Variants in MAP3K3 observed in about 807,000 individuals in gnomAD.
MAP3K3 encodes MAP/ERK kinase kinase 3.
A neutral mutation model predicts 80.9 loss-of-function variants in MAP3K3; 12 were observed. The observed-to-expected ratio is 0.15, with a 90% CI of 0.10 to 0.24. The LOEUF (loss-of-function observed/expected upper bound fraction) is 0.24. MAP3K3 is among the 10% of genes least tolerant of loss of function. The pLI is 1.00. For missense variants in MAP3K3, 596 were observed against 834.7 expected (o/e 0.71, Z 3.52); for synonymous variants, 272 against 307.1 (o/e 0.89, Z 1.19).
At position 63,693,100 on chromosome 17, in the gene MAP3K3, G is replaced by A. The variant is rs779002300; in HGVS notation, c.1653-449G>A. Among the ~76,000 whole-genome samples the A allele has an allele frequency of 6.6e-6, 1 of 152,160 alleles. No homozygotes were observed. Among genetic ancestry groups the A allele is most frequent in the African/African-American group, 2.4e-5 (1 of 41,438 alleles). ...AGCCACGAAATGCAGGTGGCCTCTA[G>A]AACCCAGGAAAGGCAAGGAAACAGG... is the stretch of plus-strand genomic sequence containing the variant. On this transcript the variant is annotated intron_variant, in intron 15 of 15. Transcript: ENST00000361733. The surrounding 1 kb of genome is among the most constrained non-coding windows in gnomAD (Gnocchi z 4.2).
At chr17:63,685,445 T>A (rs1486265714) in intron 7 of MAP3K3, 72 bp from the exon 8 acceptor site, 1 of 1,201,054 alleles carries the variant, frequency 8.3e-7, no homozygotes, top group Non-Finnish European at 1.2e-6. Context: ...TGCTGGCCCT[T>A]GCCATAAAGC....
At chr17:63,649,491 G>C (rs980444278) in intron 3 of MAP3K3, among the ~76,000 whole-genome samples, 11 of 151,666 alleles carry the variant, frequency 7.3e-5, no homozygotes, top group Admixed American at 3.9e-4. Flanking sequence ...ACAGTGGTGT[G>C]ATCGTGGAGC....
Position 63,688,798 on chromosome 17 carries a change from C to G in MAP3K3, c.788C>G (p.Thr263Ser). Residue 263 changes from threonine (T) to serine (S), a missense_variant, in exon 10 of 16, where the codon ACT becomes AGT. By Grantham distance (58) the Thr-to-Ser change is moderately conservative. This residue lies in a region of MAP3K3 where 364 missense variants were observed against 588.9 expected (regional missense o/e 0.62). Transcript: ENST00000361733. ...CCCCTGTCTTACTCAGATCGGGAAA[C>G]TCAGCTTTATGACAAAGGGGTCAAA... ...DNRQEYSDRETQLYDKGVKGG... is the reference protein window; with the variant it reads ...DNRQEYSDRESQLYDKGVKGG... The G allele has an allele frequency of 6.2e-7, 1 of 1,613,366 alleles. No individual in the cohort carries two copies. Among genetic ancestry groups the G allele is most frequent in the Non-Finnish European group, 8.5e-7 (1 of 1,179,352 alleles).
chr17:63,659,125 G>T (rs1247208638), intron 5 of MAP3K3, among the ~76,000 whole-genome samples: 1 of 152,098 alleles, frequency 6.6e-6, no homozygotes, highest in Non-Finnish European at 1.5e-5. Flanking sequence ...ACCCACTTTA[G>T]CCTTGCAAAG....
In MAP3K3 at chr17:63,650,658, T is replaced by TAGAGAGAGAGAGAGAG. The variant is rs61412799; in HGVS notation, c.168-1876_168-1861dup. Among the ~76,000 whole-genome samples, 82 of 117,272 alleles carry TAGAGAGAGAGAGAGAG rather than the reference T, an allele frequency of 7.0e-4. 1 individual carries two copies. Among genetic ancestry groups the TAGAGAGAGAGAGAGAG allele is most frequent in the African/African-American group, 2.6e-3 (80 of 30,386 alleles). 76.9% of individuals were successfully genotyped at this position (117,272 alleles called of 152,430 possible). The stretch of plus-strand genomic sequence containing the variant: ...AGACCTTCTCTCTCTCTGTCTCTTA[T>TAGAGAGAGAGAGAGAG]AGAGAGAGAGAGAGAGAGAGAGAGA... On this transcript the variant is annotated intron_variant, in intron 3 of 15. Transcript: ENST00000361733.
At chr17:63,676,907 T>C (rs1037121012) in intron 6 of MAP3K3, among the ~76,000 whole-genome samples, 5 of 152,188 alleles carry the variant, frequency 3.3e-5, no homozygotes, top group African/African-American at 1.2e-4. Context: ...CTCATAGAAG[T>C]GCATGTGATT....
In MAP3K3 at chr17:63,669,741, C is replaced by G. The variant is rs2035066933; in HGVS notation, c.502+2681C>G. ...TGTTGGGATTACAGGCGTGAGCCACCACGCCTCAACCTATCATGTTGTCTT... is the reference window on the plus strand; with the variant it reads ...TGTTGGGATTACAGGCGTGAGCCACGACGCCTCAACCTATCATGTTGTCTT... On this transcript the variant is annotated intron_variant, in intron 6 of 15. Transcript: ENST00000361733. Among the ~76,000 whole-genome samples the G allele has an allele frequency of 3.9e-5, 6 of 152,286 alleles. No homozygotes were observed. The South Asian group carries it at 1.2e-3, about 32-fold the overall frequency.
chr17:63,659,889 A>G (rs1306089302), intron 5 of MAP3K3, among the ~76,000 whole-genome samples: 1 of 152,174 alleles, frequency 6.6e-6, no homozygotes. Context: ...AACTAGAGGT[A>G]TATAAATTAT....
chr17:63,652,313 G>C (rs1315019369), intron 3 of MAP3K3, among the ~76,000 whole-genome samples: 1 of 152,094 alleles, frequency 6.6e-6, no homozygotes, highest in African/African-American at 2.4e-5. Context: ...AGCTGAAGTG[G>C]TAGATGAATG....
chr17:63,684,792 C>T (rs2035413676), intron 7 of MAP3K3, among the ~76,000 whole-genome samples: 1 of 152,114 alleles, frequency 6.6e-6, no homozygotes, highest in South Asian at 2.1e-4. Context: ...AGTCTGGCCC[C>T]TATGTAATGT....
chr17:63,673,646 C>T (rs992809959), intron 6 of MAP3K3, among the ~76,000 whole-genome samples: 12 of 152,282 alleles, frequency 7.9e-5, no homozygotes, highest in African/African-American at 2.6e-4. Context: ...TGCAGTGGCT[C>T]ATGCCTATAA....
chr17:63,650,004 A>T (rs750473930), intron 3 of MAP3K3, among the ~76,000 whole-genome samples: 1 of 152,218 alleles, frequency 6.6e-6, no homozygotes, highest in Non-Finnish European at 1.5e-5. Context: ...TCCTCTCAGC[A>T]TGGAAGAGGA....
intron 6 of MAP3K3, among the ~76,000 whole-genome samples, chr17:63,672,310 GA>G (rs2035128042): frequency 6.7e-6 from 1 of 149,718 alleles, no homozygotes; most frequent in Admixed American, 6.7e-5. Flanking sequence ...AAGGAAGGAA[GA>G]AAAAATAATT....
chr17:63,666,348 T>C (rs2143457061), intron 5 of MAP3K3, among the ~76,000 whole-genome samples: 1 of 152,278 alleles, frequency 6.6e-6, no homozygotes, highest in South Asian at 2.1e-4. Context: ...AACATACATA[T>C]ATAAGCTGGG....
intron 6 of MAP3K3, among the ~76,000 whole-genome samples, chr17:63,675,930 A>C (rs534508281): frequency 6.6e-6 from 1 of 152,266 alleles, no homozygotes; most frequent in Non-Finnish European, 1.5e-5. Context: ...CCAGTATCCT[A>C]TCCTGTTTAG....
At chr17:63,625,903 C>T (rs1344179843) in intron 1 of MAP3K3, among the ~76,000 whole-genome samples, 1 of 152,076 alleles carries the variant, frequency 6.6e-6, no homozygotes, top group Non-Finnish European at 1.5e-5. Context: ...GAAACCCTGT[C>T]TCTACTAAAA....
At chr17:63,684,817 C>T (rs1277629888) in intron 7 of MAP3K3, among the ~76,000 whole-genome samples, 4 of 151,906 alleles carry the variant, frequency 2.6e-5, no homozygotes, top group Non-Finnish European at 4.4e-5. Flanking sequence ...TGTTGGAGCT[C>T]GGATAATGAA....
chr17:63,626,250 G>C (rs1401639847), intron 1 of MAP3K3, among the ~76,000 whole-genome samples: 1 of 152,196 alleles, frequency 6.6e-6, no homozygotes, highest in Non-Finnish European at 1.5e-5. Context: ...CTATGTGCCA[G>C]GCATAGTATT....
chr17:63,663,796 G>A (rs1361143339), intron 5 of MAP3K3, among the ~76,000 whole-genome samples: 3 of 152,162 alleles, frequency 2.0e-5, no homozygotes, highest in Non-Finnish European at 4.4e-5. Flanking sequence ...GGAGGCTGAG[G>A]CGGGAGGATC....
Sources: gnomAD v4.1 joint callset for allele counts (sites outside exome capture counted in the v4.1 genomes callset) on GRCh38, gnomAD v4.1.1 for gene constraint, gnomAD v4.1.1 regional missense constraint, Gnocchi (gnomAD v3.1) non-coding constraint, MANE v1.5 for transcripts, NCBI Gene and HGNC (gene_info 2026-07-23, HGNC 2026-07-21) for gene names.